VEGFC: variants seen among roughly 807,000 people sequenced by gnomAD.
VEGFC encodes the protein vascular endothelial growth factor C, also known as FLT4 ligand DHM.
In VEGFC, 12 loss-of-function variants were observed where a neutral mutation model predicts 46.1. The ratio of observed to expected loss-of-function variants is 0.26; its 90% CI spans 0.17 to 0.42. The LOEUF is 0.42. VEGFC is among the 10% of genes least tolerant of loss of function. The pLI is 1.00. For missense variants in VEGFC, 488 were observed against 529.4 expected, an observed-to-expected ratio of 0.92 and a Z score of 0.77; for synonymous variants, 232 against 195.5, an observed-to-expected ratio of 1.19 and a Z score of -1.56.
chr4:176,729,468 C>T, intron 2 of VEGFC, 65 bp downstream of exon 2: 1 of 1,422,288 alleles, frequency 7.0e-7, no homozygotes. Context: ...ATTAAAGAAC[C>T]AGGCTGGCAA....
chr4:176,740,203 GA>G (rs1351679641), intron 1 of VEGFC, among the ~76,000 whole-genome samples: 7 of 115,850 alleles, frequency 6.0e-5, no homozygotes, highest in South Asian at 2.5e-4. Context: ...TCTATATATA[GA>G]ATATATATCT....
intron 1 of VEGFC, among the ~76,000 whole-genome samples, chr4:176,787,906 T>A (rs1736030391): frequency 6.6e-6 from 1 of 152,210 alleles, no homozygotes; most frequent in Non-Finnish European, 1.5e-5. Flanking sequence ...GATAACTTAA[T>A]CCACAATTTA....
At position 176,684,774 on chromosome 4, in the gene VEGFC, G is replaced by A. The variant is rs1041710168; in HGVS notation, c.1146-734C>T. 5.9e-5 allele frequency among the ~76,000 whole-genome samples: 9 copies of A among 152,308 alleles called. No homozygotes were observed. The East Asian group carries it at 1.7e-3, about 29-fold the overall frequency. ...AGAGTCTTGTTCTGTCGCCCAGGCT[G>A]GAGCGCAGTGGGGCAATCTCAGCTT... On this transcript the variant is annotated intron_variant, in intron 6 of 6. Coordinates refer to ENST00000618562, the MANE Select transcript of VEGFC (RefSeq NM_005429.5).
chr4:176,787,508 T>C (rs866986438), intron 1 of VEGFC, among the ~76,000 whole-genome samples: 13 of 150,848 alleles, frequency 8.6e-5, no homozygotes, highest in Non-Finnish European at 8.8e-5. Flanking sequence ...TTTTTGGATT[T>C]CAAAATTGGA....
intron 4 of VEGFC, among the ~76,000 whole-genome samples, chr4:176,693,981 G>A (rs1371406585): frequency 2.8e-4 from 42 of 151,526 alleles, no homozygotes; most frequent in African/African-American, 7.5e-4. Context: ...TGAAGGAAGC[G>A]CTAAATATGG....
At chr4:176,762,390 C>A (rs1682974408) in intron 1 of VEGFC, among the ~76,000 whole-genome samples, 1 of 152,112 alleles carries the variant, frequency 6.6e-6, no homozygotes. Context: ...ATGTGAGGAG[C>A]AACATTCCTC....
Position 176,750,521 on chromosome 4 carries a change from G to A in VEGFC, c.148-20775C>T, listed in dbSNP as rs1310087198. Among the ~76,000 whole-genome samples, 4 of 151,594 alleles carry A rather than the reference G, an allele frequency of 2.6e-5. No homozygotes were observed. In the South Asian group the frequency reaches 6.2e-4, roughly 24 times the overall value. On this transcript the variant is annotated intron_variant, in intron 1 of 6. Coordinates refer to ENST00000618562, the MANE Select transcript of VEGFC (RefSeq NM_005429.5). ...AAGGGTTCACAATACAGTAAAAGAC[G>A]TAGAGTCCACTGAGAAGCCATTTCA...
chr4:176,698,243 T>C (rs1734360311), intron 4 of VEGFC, among the ~76,000 whole-genome samples: 1 of 151,836 alleles, frequency 6.6e-6, no homozygotes, highest in African/African-American at 2.4e-5. Flanking sequence ...TATTCTACAC[T>C]CTTTGCCACG....
intron 3 of VEGFC, among the ~76,000 whole-genome samples, chr4:176,714,658 A>G (rs1734668738): frequency 6.6e-6 from 1 of 152,180 alleles, no homozygotes; most frequent in African/African-American, 2.4e-5. Context: ...TGGCAGCATC[A>G]TTCCTGCTCC....
intron 4 of VEGFC, among the ~76,000 whole-genome samples, chr4:176,709,528 C>A (rs961067659): frequency 4.6e-5 from 7 of 152,158 alleles, no homozygotes; most frequent in Non-Finnish European, 8.8e-5. Flanking sequence ...AGGAGAAAGA[C>A]CTTTACCTGA....
At chr4:176,740,244 T>C (rs1241864715) in intron 1 of VEGFC, among the ~76,000 whole-genome samples, 5 of 120,122 alleles carry the variant, frequency 4.2e-5, no homozygotes, top group African/African-American at 1.4e-4. Flanking sequence ...ATATATAGAA[T>C]ATATATATAG....
chr4:176,697,065 T>C (rs1164312776), intron 4 of VEGFC, among the ~76,000 whole-genome samples: 1 of 151,840 alleles, frequency 6.6e-6, no homozygotes, highest in Non-Finnish European at 1.5e-5. Context: ...ATTCAGGACA[T>C]AGGCATGGGC....
intron 4 of VEGFC, among the ~76,000 whole-genome samples, chr4:176,703,780 T>C (rs1377707508): frequency 6.6e-6 from 1 of 152,020 alleles, no homozygotes; most frequent in East Asian, 1.9e-4. Context: ...ACAATAAAAA[T>C]GCAGTCATAG....
intron 4 of VEGFC, among the ~76,000 whole-genome samples, chr4:176,709,630 T>C (rs1734588784): frequency 6.6e-6 from 1 of 152,150 alleles, no homozygotes; most frequent in South Asian, 2.1e-4. Context: ...AGCTTGGCGT[T>C]CTGGGAATCG....
chr4:176,713,591 T>C (rs539150863), intron 3 of VEGFC, among the ~76,000 whole-genome samples: 1 of 152,290 alleles, frequency 6.6e-6, no homozygotes, highest in African/African-American at 2.4e-5. Context: ...CAGTCACATA[T>C]GTGTGTCTAG....
rs199679425 is a variant in VEGFC at position 176,749,974 on chromosome 4, AC to A, written c.148-20229del. ...TGAATTACTGAAAATTACAGTGTAA[AC>A]ATTTATTAAAAAATTATGCCAAAAT... On this transcript the variant is annotated intron_variant, in intron 1 of 6. Coordinates refer to ENST00000618562, the MANE Select transcript of VEGFC (RefSeq NM_005429.5). Among the ~76,000 whole-genome samples the A allele has an allele frequency of 3.4e-3, 522 of 151,962 alleles. 5 individuals carry two copies. The highest frequency in any genetic ancestry group is 0.012 in the African/African-American group (502 of 41,546).
At chr4:176,721,935 A>G (rs1357461479) in intron 3 of VEGFC, among the ~76,000 whole-genome samples, 1 of 152,210 alleles carries the variant, frequency 6.6e-6, no homozygotes, top group Non-Finnish European at 1.5e-5. Context: ...AAGGTGTCTT[A>G]GGTCAGAATT....
intron 1 of VEGFC, among the ~76,000 whole-genome samples, chr4:176,757,921 A>G (rs952153384): frequency 6.6e-6 from 1 of 152,094 alleles, no homozygotes; most frequent in Non-Finnish European, 1.5e-5. Flanking sequence ...TATTTAATAT[A>G]CTGCCTTTGA....
At chr4:176,686,153 C>T (rs957659810) in intron 6 of VEGFC, among the ~76,000 whole-genome samples, 63 of 152,092 alleles carry the variant, frequency 4.1e-4, no homozygotes, top group Non-Finnish European at 5.7e-4. Flanking sequence ...AATGTCATGT[C>T]ATAGAAGAGG....
Sources: allele counts gnomAD v4.1 joint callset (sites outside exome capture counted in the v4.1 genomes callset), GRCh38; gene constraint gnomAD v4.1.1; transcripts MANE v1.5; gene names NCBI Gene and HGNC (gene_info 2026-07-23, HGNC 2026-07-21).